Variants in TRAP1 observed in about 807,000 individuals in gnomAD.
The protein encoded by TRAP1 is heat shock protein 75 kDa, mitochondrial.
A neutral mutation model predicts 89.1 loss-of-function variants in TRAP1; 102 were observed. The observed-to-expected ratio is 1.15, with a 90% CI of 0.98 to 1.35. The LOEUF (loss-of-function observed/expected upper bound fraction) is 1.35. Ranked by LOEUF, TRAP1 falls within the 40% of genes most tolerant of loss-of-function variation. TRAP1 has a pLI of 0.00. For synonymous variants in TRAP1, 508 were observed against 388.0 expected, an observed-to-expected ratio of 1.31 and a Z score of -3.64; for missense variants, 1,256 against 945.3, an observed-to-expected ratio of 1.33 and a Z score of -4.31.
chr16:3,664,482 C>T (rs775087081), intron 12 of TRAP1, 23 bp from the exon 13 acceptor site: 4 of 1,593,068 alleles, frequency 2.5e-6, no homozygotes, highest in South Asian at 2.3e-5. Context: ...GGGCAGGTCA[C>T]CACTTATTCC....
intron 1 of TRAP1, among the ~76,000 whole-genome samples, chr16:3,695,673 GAACT>G (rs1048677675): frequency 7.9e-5 from 12 of 152,220 alleles, no homozygotes; most frequent in East Asian, 3.9e-4. Flanking sequence ...TCTGAAAGAA[GAACT>G]AACCTAAGAG....
chr16:3,699,810 G>A (rs1459628359), intron 1 of TRAP1, among the ~76,000 whole-genome samples: 3 of 151,606 alleles, frequency 2.0e-5, no homozygotes, highest in Admixed American at 2.0e-4. Context: ...TGGGACTGCA[G>A]GTAAGCACCA....
At chr16:3,676,247 A>T in intron 6 of TRAP1, 102 bp from the exon 7 acceptor site, 1 of 814,328 alleles carries the variant, frequency 1.2e-6, no homozygotes, top group Non-Finnish European at 2.0e-6. Flanking sequence ...CAGAGCCCAA[A>T]CAACACACAA....
chr16:3,674,587 T>C, intron 8 of TRAP1, 93 bp from the exon 9 acceptor site: 2 of 1,455,976 alleles, frequency 1.4e-6, no homozygotes, highest in Non-Finnish European at 9.3e-7. Context: ...CGCCTGGCCC[T>C]GGACAGGCTC....
At position 3,675,215 on chromosome 16, in the gene TRAP1, G is replaced by A. The variant is rs1305179598; in HGVS notation, c.888+109C>T. On this transcript the variant is annotated intron_variant, in intron 8 of 17. Transcript: ENST00000246957. ...AGGTCTCATCTCCACAGAGCAGCTCGCCCTGTGACTCTGGGCCGCATCCCC... is the reference window on the plus strand; with the variant it reads ...AGGTCTCATCTCCACAGAGCAGCTCACCCTGTGACTCTGGGCCGCATCCCC... The A allele has an allele frequency of 6.8e-6, 7 of 1,035,800 alleles. No individual in the cohort carries two copies. The East Asian group carries it at 1.3e-4, about 19-fold the overall frequency. 64.2% of individuals were successfully genotyped at this position (1,035,800 alleles called of 1,614,324 possible). A position where few individuals can be genotyped will look rare whatever the true frequency, so the allele number is the denominator to read the frequency against.
chr16:3,667,093 T>C (rs1270813058), intron 11 of TRAP1, among the ~76,000 whole-genome samples: 1 of 152,010 alleles, frequency 6.6e-6, no homozygotes, highest in African/African-American at 2.4e-5. Context: ...GGGGGGACAG[T>C]AGCCCAGGAT....
chr16:3,684,019 A>G (rs150344107), intron 4 of TRAP1, among the ~76,000 whole-genome samples: 4,272 of 152,060 alleles, frequency 0.028, 91 homozygotes, highest in Middle Eastern at 0.071. Context: ...TACAAAAATT[A>G]GCCGGGTGTG....
At chr16:3,701,233 C>G (rs2051360674) in intron 1 of TRAP1, among the ~76,000 whole-genome samples, 1 of 152,076 alleles carries the variant, frequency 6.6e-6, no homozygotes, top group Non-Finnish European at 1.5e-5. Flanking sequence ...CTACAACAAA[C>G]AATTCATCAG....
chr16:3,692,556 A>G (rs1045615698), intron 1 of TRAP1, among the ~76,000 whole-genome samples: 5 of 149,156 alleles, frequency 3.4e-5, no homozygotes, highest in Non-Finnish European at 7.4e-5. Flanking sequence ...AAAAATTAAC[A>G]TATCAACTTT....
chr16:3,675,941 C>T lies in TRAP1; in HGVS notation c.814+95G>A, dbSNP rs917144833. 97 of 1,106,342 alleles carry T rather than the reference C, an allele frequency of 8.8e-5. 1 individual carries two copies. Among genetic ancestry groups the T allele is most frequent in the South Asian group, 2.8e-4 (19 of 66,746 alleles). 68.5% of individuals were successfully genotyped at this position (1,106,342 alleles called of 1,614,324 possible). ...TTCACGGCTCTGCCTGTGCACCCTA[C>T]GTGCAGGTAGAACCAGGGAAAATGC... On this transcript the variant is annotated intron_variant, in intron 7 of 17. Coordinates refer to ENST00000246957, the MANE Select transcript of TRAP1 (RefSeq NM_016292.3).
At chr16:3,659,133 G>GTGA in intron 16 of TRAP1, 1 of 373,622 alleles carries the variant, frequency 2.7e-6, no homozygotes. Context: ...AGCTTAGTAC[G>GTGA]TGAAGACATG....
At chr16:3,661,946 G>A (rs1376606006) in intron 16 of TRAP1, 41 bp downstream of exon 16, 1 of 1,554,942 alleles carries the variant, frequency 6.4e-7, no homozygotes, top group Admixed American at 1.9e-5. Flanking sequence ...CAGGATTCTG[G>A]GGAATCCCAC....
chr16:3,672,917 C>T (rs2050934508), intron 9 of TRAP1, 97 bp from the exon 10 acceptor site: 1 of 1,457,084 alleles, frequency 6.9e-7, no homozygotes, highest in Admixed American at 2.4e-5. Flanking sequence ...CCAGAGCCCA[C>T]TCCCGCCTCG....
rs558812816 is a variant in TRAP1 at position 3,707,717 on chromosome 16, C to T, written c.88+9704G>A. On this transcript the variant is annotated intron_variant, in intron 1 of 17. Coordinates refer to ENST00000246957, the MANE Select transcript of TRAP1 (RefSeq NM_016292.3). ...AAAAATACAAAAATTAGCTGGGAGT[C>T]GCAGCGGGCATCTGTAATCCCAGCT... Among the ~76,000 whole-genome samples, 27 of 151,098 alleles carry T rather than the reference C, an allele frequency of 1.8e-4. 1 individual carries two copies. Among genetic ancestry groups the T allele is most frequent in the Admixed American group, 3.3e-4 (5 of 15,152 alleles).
chr16:3,679,694 G>C, intron 5 of TRAP1, 25 bp downstream of exon 5: 1 of 1,613,428 alleles, frequency 6.2e-7, no homozygotes, highest in Non-Finnish European at 8.5e-7. Context: ...GGAAGGGGGA[G>C]GCTGTGTGGG....
chr16:3,699,025 T>C (rs139805533), intron 1 of TRAP1, among the ~76,000 whole-genome samples: 3 of 152,172 alleles, frequency 2.0e-5, no homozygotes, highest in South Asian at 2.1e-4. Context: ...CAAACCTCAA[T>C]GTCAGGCTAC....
intron 1 of TRAP1, among the ~76,000 whole-genome samples, chr16:3,710,670 T>A (rs547373775): frequency 6.6e-6 from 1 of 152,210 alleles, no homozygotes; most frequent in South Asian, 2.1e-4. Flanking sequence ...AAGTGTGAAC[T>A]AACATGGCAA....
At chr16:3,683,612 C>T (rs921298889) in intron 4 of TRAP1, among the ~76,000 whole-genome samples, 10 of 151,692 alleles carry the variant, frequency 6.6e-5, no homozygotes, top group African/African-American at 2.4e-4. Flanking sequence ...TCTTGAACTC[C>T]TGACCTCAGG....
chr16:3,717,048 CCCCGCAACATGCA>C (rs1461885939), intron 1 of TRAP1, among the ~76,000 whole-genome samples: 3 of 152,238 alleles, frequency 2.0e-5, no homozygotes, highest in African/African-American at 7.2e-5. Context: ...TGAGTCCATT[CCCCGCAACATGCA>C]CCCGCAAAGA....
Sources: allele counts gnomAD v4.1 joint callset (sites outside exome capture counted in the v4.1 genomes callset), GRCh38; gene constraint gnomAD v4.1.1; transcripts MANE v1.5; gene names NCBI Gene and HGNC (gene_info 2026-07-23, HGNC 2026-07-21).